The following KATNAL1 variants were observed in gnomAD, a reference collection of about 807,000 sequenced individuals.
KATNAL1 encodes katanin catalytic subunit A1 like 1.
KATNAL1 carries 32 observed loss-of-function variants against 55.2 expected under a neutral mutation model. The ratio of observed to expected loss-of-function variants is 0.58; its 90% CI spans 0.44 to 0.78. KATNAL1 has a LOEUF of 0.78. Ranked by LOEUF, KATNAL1 falls within the 30% of genes least tolerant of loss-of-function variation. The probability of loss-of-function intolerance (pLI) is 0.00; values close to 1 mark genes in which losing one functional copy is unlikely to be tolerated. For synonymous variants in KATNAL1, 193 were observed against 193.6 expected (o/e 1.00, Z 0.02); for missense variants, 466 against 600.9 (o/e 0.78, Z 2.35).
chr13:30,274,094 TA>T (rs1236813364), intron 3 of KATNAL1, among the ~76,000 whole-genome samples: 2 of 152,184 alleles, frequency 1.3e-5, no homozygotes, highest in Non-Finnish European at 2.9e-5. Context: ...CACTTCAATA[TA>T]CATTTTACAG....
chr13:30,306,075 A>ACTCACAAT (rs1343665247), intron 1 of KATNAL1, among the ~76,000 whole-genome samples: 1 of 152,094 alleles, frequency 6.6e-6, no homozygotes, highest in Admixed American at 6.6e-5. Flanking sequence ...ACACACACAA[A>ACTCACAAT]CTCACAATAA....
At chr13:30,278,380 T>A (rs1425127110) in intron 3 of KATNAL1, among the ~76,000 whole-genome samples, 1 of 152,206 alleles carries the variant, frequency 6.6e-6, no homozygotes, top group Non-Finnish European at 1.5e-5. Flanking sequence ...TCCATTCATC[T>A]TTCACTTTCA....
intron 4 of KATNAL1, among the ~76,000 whole-genome samples, chr13:30,251,859 C>A (rs114706054): frequency 0.01 from 1,536 of 152,208 alleles, 24 homozygotes; most frequent in African/African-American, 0.034. Context: ...TTATGGATGA[C>A]CCTGTAGACC....
At chr13:30,306,779 G>A (rs1883204657) in intron 1 of KATNAL1, 2 of 152,286 alleles carry the variant, frequency 1.3e-5, no homozygotes, top group Admixed American at 1.3e-4. Flanking sequence ...TGCACCGAAA[G>A]GCAGCAACCT....
At chr13:30,270,120 A>G (rs1593920419) in intron 3 of KATNAL1, among the ~76,000 whole-genome samples, 1 of 122,906 alleles carries the variant, frequency 8.1e-6, no homozygotes, top group African/African-American at 2.9e-5. Context: ...CCGGGAGGTG[A>G]GGGGCGCCTC....
At chr13:30,223,909 T>G (rs1027973892) in intron 9 of KATNAL1, among the ~76,000 whole-genome samples, 21 of 152,202 alleles carry the variant, frequency 1.4e-4, no homozygotes, top group African/African-American at 4.6e-4. Context: ...AGAATAAACA[T>G]TCTATTCAAT....
intron 9 of KATNAL1, among the ~76,000 whole-genome samples, chr13:30,215,877 T>G (rs894623644): frequency 1.2e-4 from 19 of 152,188 alleles, no homozygotes; most frequent in Admixed American, 1.2e-3. Flanking sequence ...TATACATATG[T>G]AACTAACCTG....
At chr13:30,286,312 T>C (rs969850954) in intron 1 of KATNAL1, among the ~76,000 whole-genome samples, 1 of 152,228 alleles carries the variant, frequency 6.6e-6, no homozygotes, top group African/African-American at 2.4e-5. Flanking sequence ...ATGGGTTTCC[T>C]GGGCTGGGTC....
chr13:30,260,293 G>A (rs1201788202), intron 3 of KATNAL1, among the ~76,000 whole-genome samples: 2 of 152,166 alleles, frequency 1.3e-5, no homozygotes, highest in African/African-American at 4.8e-5. Flanking sequence ...CAGAAAAACT[G>A]GAAACTCTAA....
rs1878717802 is a variant in KATNAL1, at chr13:30,255,635, A to ATT, written c.324-21_324-20insAA. Reference sequence around the variant, plus strand: ...GGAGCTCTGACAAAAAAAAAAAAAAAAAAATTAAAATTAAAATTAAAATTA... The same window carrying ATT: ...GGAGCTCTGACAAAAAAAAAAAAAAATTAAAATTAAAATTAAAATTAAAATTA... On this transcript the variant is annotated intron_variant, in intron 3 of 10. Coordinates refer to ENST00000380615, the MANE Select transcript of KATNAL1 (RefSeq NM_032116.5). 7.2e-7 allele frequency: 1 copy of ATT among 1,380,986 alleles called. No homozygotes were observed. The highest frequency in any genetic ancestry group is 9.4e-7 in the Non-Finnish European group (1 of 1,059,254). The allele number at this position is 1,380,986 out of a possible 1,614,324, so 85.5% of individuals were successfully genotyped here. A position where few individuals can be genotyped will look rare whatever the true frequency, so the allele number is the denominator to read the frequency against.
At chr13:30,299,878 G>C (rs1882752817) in intron 1 of KATNAL1, among the ~76,000 whole-genome samples, 1 of 152,022 alleles carries the variant, frequency 6.6e-6, no homozygotes, top group South Asian at 2.1e-4. Context: ...AATTATTTTT[G>C]TAACTGTTTC....
intron 9 of KATNAL1, among the ~76,000 whole-genome samples, chr13:30,216,420 T>C (rs1874236592): frequency 6.6e-6 from 1 of 152,084 alleles, no homozygotes; most frequent in African/African-American, 2.4e-5. Context: ...CTAAACATTT[T>C]AGGAACTGTT....
chr13:30,269,314 C>G (rs1210769840), intron 3 of KATNAL1, among the ~76,000 whole-genome samples: 1 of 152,260 alleles, frequency 6.6e-6, no homozygotes, highest in Non-Finnish European at 1.5e-5. Context: ...CAGCTCCTAA[C>G]CGCGAGTGAT....
chr13:30,271,876 A>AG (rs1245635363), intron 3 of KATNAL1, among the ~76,000 whole-genome samples: 4 of 112,676 alleles, frequency 3.6e-5, no homozygotes, highest in Non-Finnish European at 5.6e-5. Flanking sequence ...AAAAGAAAAG[A>AG]GGAAAAAAAA....
At chr13:30,300,901 T>C (rs902966191) in intron 1 of KATNAL1, among the ~76,000 whole-genome samples, 1 of 152,198 alleles carries the variant, frequency 6.6e-6, no homozygotes, top group Admixed American at 6.5e-5. Context: ...AAACTGTTCA[T>C]AAACATAAAA....
At chr13:30,306,627 T>C (rs1382804740) in intron 1 of KATNAL1, 2 of 152,236 alleles carry the variant, frequency 1.3e-5, no homozygotes, top group Non-Finnish European at 2.9e-5. Flanking sequence ...TACCAATTGA[T>C]GGGTTTAATA....
chr13:30,250,203 CCTGA>C (rs556654588), intron 4 of KATNAL1, among the ~76,000 whole-genome samples: 23 of 152,082 alleles, frequency 1.5e-4, no homozygotes, highest in Non-Finnish European at 2.6e-4. Context: ...TTATTGTTTT[CCTGA>C]CTGTCTAGAT....
In KATNAL1 at chr13:30,301,433, A is replaced by G. The variant is rs117878816; in HGVS notation, c.-15+5898T>C. ...TTGCATAAATACCCTTTTTAGCACA[A>G]AAATAATAGTAGCGATGTTTATTGA... is the stretch of plus-strand genomic sequence containing the variant. On this transcript the variant is annotated intron_variant, in intron 1 of 10. Coordinates refer to ENST00000380615, the MANE Select transcript of KATNAL1 (RefSeq NM_032116.5). Among the ~76,000 whole-genome samples the G allele has an allele frequency of 2.3e-3, 344 of 152,294 alleles. 13 individuals are homozygous for G. In the East Asian group the frequency reaches 0.064, roughly 28 times the overall value.
At chr13:30,209,849 T>G (rs1396846819) in intron 10 of KATNAL1, among the ~76,000 whole-genome samples, 1 of 152,170 alleles carries the variant, frequency 6.6e-6, no homozygotes, top group East Asian at 1.9e-4. Flanking sequence ...TGGCGCGATC[T>G]CGGCTCACTG....
Sources: gnomAD v4.1 joint callset for allele counts (sites outside exome capture counted in the v4.1 genomes callset) on GRCh38, gnomAD v4.1.1 for gene constraint, MANE v1.5 for transcripts, NCBI Gene and HGNC (gene_info 2026-07-23, HGNC 2026-07-21) for gene names.